The following PHF21B variants were observed in gnomAD, a reference collection of about 807,000 sequenced individuals.
The protein encoded by PHF21B is PHD finger protein 4.
A neutral mutation model predicts 62.2 loss-of-function variants in PHF21B; 22 were observed. That is an observed-to-expected ratio of 0.35 (90% CI 0.25 to 0.51). The LOEUF is 0.51. Ranked by LOEUF, PHF21B falls within the 20% of genes least tolerant of loss-of-function variation. PHF21B has a pLI of 0.97. For synonymous variants in PHF21B, 341 were observed against 314.7 expected, an observed-to-expected ratio of 1.08 and a Z score of -0.88; for missense variants, 701 against 707.9, an observed-to-expected ratio of 0.99 and a Z score of 0.11.
At chr22:44,945,622 G>C (rs1348418242) in intron 2 of PHF21B, among the ~76,000 whole-genome samples, 1 of 152,052 alleles carries the variant, frequency 6.6e-6, no homozygotes, top group African/African-American at 2.4e-5. Context: ...GCCTCCAGAA[G>C]GGCCTGATCG....
chr22:45,004,188 T>TA (rs1294879764), intron 2 of PHF21B, among the ~76,000 whole-genome samples: 1 of 152,222 alleles, frequency 6.6e-6, no homozygotes, highest in Non-Finnish European at 1.5e-5. Flanking sequence ...GTCAATATGC[T>TA]AAAAACCACT....
At chr22:44,983,233 CAAAAAAAA>C (rs59497234) in intron 2 of PHF21B, among the ~76,000 whole-genome samples, 30 of 149,324 alleles carry the variant, frequency 2.0e-4, no homozygotes, top group East Asian at 3.9e-4. Context: ...GACTCTGTCT[CAAAAAAAA>C]AAAAAAAAAA....
intron 2 of PHF21B, among the ~76,000 whole-genome samples, chr22:44,946,227 C>T (rs1476035781): frequency 6.6e-6 from 1 of 151,686 alleles, no homozygotes; most frequent in African/African-American, 2.4e-5. Context: ...TTCTGGGGCT[C>T]GGGGTGGGGA....
Position 44,916,534 on chromosome 22 carries a change from C to A in PHF21B, c.310G>T (p.Val104Phe). Residue 104 changes from valine (V) to phenylalanine (F), a missense_variant, in exon 4 of 13, where the codon GTC (valine) becomes TTC (phenylalanine). Val to Phe is a conservative substitution (Grantham distance 50, BLOSUM62 -1). Coordinates refer to ENST00000313237, the MANE Select transcript of PHF21B (RefSeq NM_138415.5). ...QPPTFQKATV[V>F]SVKNPSPALP... ...GCTGGGCTGGGGTTCTTGACGCTGA[C>A]CACGGTGGCCTTCTGGAATGTTGGG... 6.2e-7 allele frequency: 1 copy of A among 1,609,638 alleles called. No homozygotes were observed. The highest frequency in any genetic ancestry group is 1.1e-5 in the South Asian group (1 of 91,074).
At chr22:45,006,686 A>G (rs1384152999) in intron 2 of PHF21B, among the ~76,000 whole-genome samples, 1 of 152,192 alleles carries the variant, frequency 6.6e-6, no homozygotes, top group Non-Finnish European at 1.5e-5. Flanking sequence ...AAGCAGAAAC[A>G]TAAAGAGACA....
At chr22:44,891,269 G>A (rs1168873180) in intron 8 of PHF21B, 37 bp downstream of exon 8, 6 of 1,610,718 alleles carry the variant, frequency 3.7e-6, no homozygotes, top group East Asian at 2.2e-5. Flanking sequence ...CCGCGGCCCT[G>A]AGCAGCTCTG....
intron 2 of PHF21B, among the ~76,000 whole-genome samples, chr22:44,928,082 A>G (rs1431629498): frequency 6.6e-6 from 1 of 151,910 alleles, no homozygotes; most frequent in African/African-American, 2.4e-5. Context: ...GCTCTGGAAA[A>G]ATCTGTCTTT....
intron 2 of PHF21B, among the ~76,000 whole-genome samples, chr22:44,968,548 G>A (rs999571822): frequency 1.3e-5 from 2 of 151,318 alleles, no homozygotes; most frequent in African/African-American, 2.4e-5. Context: ...GGAGGCTGAG[G>A]CAGAAGAATT....
chr22:44,962,000 T>C (rs1027048438), intron 2 of PHF21B, among the ~76,000 whole-genome samples: 4 of 152,238 alleles, frequency 2.6e-5, no homozygotes, highest in African/African-American at 9.6e-5. Flanking sequence ...ATTTTCTTTA[T>C]TCAATCCACT....
At chr22:44,942,814 C>T (rs1601624965) in intron 2 of PHF21B, among the ~76,000 whole-genome samples, 2 of 152,194 alleles carry the variant, frequency 1.3e-5, no homozygotes, top group Non-Finnish European at 2.9e-5. Flanking sequence ...GGAGTTGGTT[C>T]AGCAGCAAAC....
intron 2 of PHF21B, among the ~76,000 whole-genome samples, chr22:44,954,939 G>A (rs1369447745): frequency 6.6e-6 from 1 of 152,166 alleles, no homozygotes; most frequent in Non-Finnish European, 1.5e-5. Flanking sequence ...AAGGCAGGAC[G>A]GGTGATGTTG....
intron 2 of PHF21B, among the ~76,000 whole-genome samples, chr22:45,007,910 A>AGGG (rs953020385): frequency 1.3e-5 from 2 of 148,560 alleles, no homozygotes; most frequent in East Asian, 4.1e-4. Flanking sequence ...GGGGGCCCGG[A>AGGG]GGGGGGGGAG....
In PHF21B at chr22:44,916,187, T is replaced by C. The variant is rs1033353486; in HGVS notation, c.564+93A>G. On this transcript the variant is annotated intron_variant, in intron 4 of 12. Transcript: ENST00000313237. ...CTGCCTCCTGGTCATTCATCCTGCCTGGGCTTGTTCATTTGGCCCTTCCCA... is the reference window on the plus strand; with the variant it reads ...CTGCCTCCTGGTCATTCATCCTGCCCGGGCTTGTTCATTTGGCCCTTCCCA... 6 of 1,224,326 alleles carry C rather than the reference T, an allele frequency of 4.9e-6. No individual in the cohort carries two copies. The African/African-American group carries it at 9.1e-5, about 19-fold the overall frequency. The allele number at this position is 1,224,326 out of a possible 1,614,324, so 75.8% of individuals were successfully genotyped here. A position where few individuals can be genotyped will look rare whatever the true frequency, so the allele number is the denominator to read the frequency against.
At chr22:44,896,444 CAAAG>C (rs1236292332) in intron 5 of PHF21B, among the ~76,000 whole-genome samples, 1 of 152,074 alleles carries the variant, frequency 6.6e-6, no homozygotes, top group Non-Finnish European at 1.5e-5. Context: ...ATAGGATTCC[CAAAG>C]AAAGCATCTA....
intron 7 of PHF21B, among the ~76,000 whole-genome samples, chr22:44,892,947 C>T (rs1349715392): frequency 1.3e-5 from 2 of 151,986 alleles, no homozygotes; most frequent in Admixed American, 6.6e-5. Context: ...GGATTCCCAC[C>T]CCCATCCCTG....
chr22:44,882,058 C>G lies in PHF21B; in HGVS notation c.*1028G>C, dbSNP rs948608275. The G allele has an allele frequency of 6.5e-6, 1 of 152,754 alleles. No homozygotes were observed. The highest frequency in any genetic ancestry group is 1.5e-5 in the Non-Finnish European group (1 of 68,046). The allele number at this position is 152,754 out of a possible 1,614,324, so 9.5% of individuals were successfully genotyped here. A position where few individuals can be genotyped will look rare whatever the true frequency, so the allele number is the denominator to read the frequency against. Reference sequence around the variant, plus strand: ...GCAGAAAGGAAGTCAGCCAGAGTCCCCCCAACCATTCACATTAAATATCTC... The same window carrying G: ...GCAGAAAGGAAGTCAGCCAGAGTCCGCCCAACCATTCACATTAAATATCTC... On this transcript the variant is annotated 3_prime_UTR_variant, in exon 13 of 13. Transcript: ENST00000313237.
chr22:44,971,989 G>A (rs1457867810), intron 2 of PHF21B, among the ~76,000 whole-genome samples: 1 of 152,256 alleles, frequency 6.6e-6, no homozygotes, highest in Non-Finnish European at 1.5e-5. Flanking sequence ...GTTGGGGGGA[G>A]AGATGAGGGT....
At chr22:44,888,163 AG>A (rs1569207388) in intron 9 of PHF21B, 42 bp from the exon 10 acceptor site, 2 of 1,456,794 alleles carry the variant, frequency 1.4e-6, no homozygotes, top group African/African-American at 1.4e-5. Context: ...AGCCACAGCC[AG>A]GGCAGCGGGG....
chr22:44,973,946 G>T (rs1364782301), intron 2 of PHF21B, among the ~76,000 whole-genome samples: 4 of 152,214 alleles, frequency 2.6e-5, no homozygotes, highest in Admixed American at 2.6e-4. Context: ...AATGTAGGCA[G>T]AATTAGCAGA....
Sources: allele counts gnomAD v4.1 joint callset (sites outside exome capture counted in the v4.1 genomes callset), GRCh38; gene constraint gnomAD v4.1.1; transcripts MANE v1.5; gene names NCBI Gene and HGNC (gene_info 2026-07-23, HGNC 2026-07-21).